Variants in AVEN observed in about 807,000 individuals in gnomAD.
AVEN encodes the protein cell death regulator Aven.
Under a neutral mutation model 38.1 loss-of-function variants are expected in AVEN, and 41 were observed. The observed-to-expected ratio is 1.08, with a 90% confidence interval of 0.84 to 1.40. The LOEUF (loss-of-function observed/expected upper bound fraction) is 1.40. Ranked by LOEUF, AVEN falls within the 40% of genes most tolerant of loss-of-function variation. The pLI is 0.00. For missense variants in AVEN, 605 were observed against 438.8 expected, an observed-to-expected ratio of 1.38 and a Z score of -3.38; for synonymous variants, 206 against 171.8, an observed-to-expected ratio of 1.20 and a Z score of -1.56.
At position 34,069,554 on chromosome 15, in the gene AVEN, C is replaced by T. The variant is rs550701010; in HGVS notation, n.784+1034G>A. 3.3e-5 allele frequency among the ~76,000 whole-genome samples: 5 copies of T among 152,248 alleles called. No individual in the cohort carries two copies. The East Asian group carries it at 5.8e-4, about 18-fold the overall frequency. The stretch of plus-strand genomic sequence containing the variant: ...TTGGGGGGCCAAGAATATCACAATG[C>T]GTTACTATGTTCTCAATGCATCACA... On this transcript the variant is annotated intron_variant and non_coding_transcript_variant, in intron 2 of 11. Transcript: ENST00000675287.
At chr15:34,010,822 G>A (rs1428666515) in intron 1 of AVEN, among the ~76,000 whole-genome samples, 1 of 152,090 alleles carries the variant, frequency 6.6e-6, no homozygotes, top group Non-Finnish European at 1.5e-5. Context: ...TAATGTTACT[G>A]AGCTTTAAAA....
At chr15:34,055,132 C>T (rs1042377188) in intron 5 of AVEN, among the ~76,000 whole-genome samples, 3 of 150,616 alleles carry the variant, frequency 2.0e-5, no homozygotes, top group African/African-American at 7.3e-5. Flanking sequence ...GCGGCGATTG[C>T]GGTGAGCCGA....
At chr15:33,911,402 T>C (rs1347689807) in intron 2 of AVEN, among the ~76,000 whole-genome samples, 1 of 152,172 alleles carries the variant, frequency 6.6e-6, no homozygotes, top group Non-Finnish European at 1.5e-5. Flanking sequence ...CCCCCCTCCT[T>C]TTTTGCTAAC....
At chr15:33,883,238 A>G (rs1597188734) in intron 2 of AVEN, among the ~76,000 whole-genome samples, 1 of 152,238 alleles carries the variant, frequency 6.6e-6, no homozygotes, top group East Asian at 1.9e-4. Flanking sequence ...GCAAATGTGT[A>G]GTGTAGTGTA....
At chr15:33,990,706 G>C (rs1430003900) in intron 2 of AVEN, 1 of 152,222 alleles carries the variant, frequency 6.6e-6, no homozygotes, top group Non-Finnish European at 1.5e-5. Flanking sequence ...TGGTGATAGT[G>C]AAAACAATGG....
chr15:33,898,941 G>C (rs1892361978), intron 2 of AVEN, among the ~76,000 whole-genome samples: 1 of 152,214 alleles, frequency 6.6e-6, no homozygotes, highest in South Asian at 2.1e-4. Context: ...TAAAGGAGAA[G>C]AGTAGGACAT....
At chr15:33,899,744 G>A (rs1892412301) in intron 2 of AVEN, among the ~76,000 whole-genome samples, 1 of 152,038 alleles carries the variant, frequency 6.6e-6, no homozygotes, top group East Asian at 1.9e-4. Flanking sequence ...GAGATGACAG[G>A]CATGAGCCAC....
chr15:34,017,484 G>GGTTT (rs536867064), intron 1 of AVEN, among the ~76,000 whole-genome samples: 3 of 107,344 alleles, frequency 2.8e-5, no homozygotes, highest in African/African-American at 6.3e-5. Context: ...TTTTTTTTTT[G>GGTTT]TTTTTTTTTT....
chr15:33,873,191 C>T (rs1029925195), intron 3 of AVEN, among the ~76,000 whole-genome samples: 1 of 138,022 alleles, frequency 7.2e-6, no homozygotes, highest in Admixed American at 8.0e-5. Context: ...CCTCCGCCTT[C>T]TTGGTTCAAG....
At chr15:33,862,226 G>C (rs1014403452), downstream of AVEN, among the ~76,000 whole-genome samples, 6 of 152,012 alleles carry the variant, frequency 3.9e-5, no homozygotes, top group Non-Finnish European at 8.8e-5. Context: ...CTCATCTTTC[G>C]AGATAGATAG....
At chr15:34,019,231 A>G (rs958977929) in intron 1 of AVEN, among the ~76,000 whole-genome samples, 14 of 152,240 alleles carry the variant, frequency 9.2e-5, no homozygotes, top group Non-Finnish European at 8.8e-5. Flanking sequence ...TAATGGATGT[A>G]ATTGTTTGTG....
At chr15:33,997,266 T>C (rs1045622390) in intron 2 of AVEN, among the ~76,000 whole-genome samples, 3 of 152,192 alleles carry the variant, frequency 2.0e-5, no homozygotes, top group African/African-American at 4.8e-5. Flanking sequence ...AGGAGATACC[T>C]GCAAACACAA....
chr15:33,949,982 A>C (rs949436161), intron 2 of AVEN, among the ~76,000 whole-genome samples: 3 of 152,222 alleles, frequency 2.0e-5, no homozygotes, highest in African/African-American at 7.2e-5. Flanking sequence ...CAAGGGATGA[A>C]TGGATAAAGA....
intron 2 of AVEN, among the ~76,000 whole-genome samples, chr15:33,900,410 C>T (rs1597210690): frequency 6.6e-6 from 1 of 151,746 alleles, no homozygotes; most frequent in African/African-American, 2.4e-5. Context: ...CAGGCTCAAG[C>T]GGTCCTTCCA....
chr15:33,860,861 G>C (rs950818921), intron 11 of AVEN, among the ~76,000 whole-genome samples: 1 of 151,510 alleles, frequency 6.6e-6, no homozygotes, highest in African/African-American at 2.4e-5. Flanking sequence ...CCCACAATAG[G>C]AGGGAGCAGT....
intron 1 of AVEN, among the ~76,000 whole-genome samples, chr15:34,015,414 G>A (rs1026023345): frequency 1.1e-4 from 16 of 151,810 alleles, no homozygotes; most frequent in African/African-American, 2.9e-4. Context: ...CCCGGGAGGC[G>A]GAGCTTGCAG....
intron 2 of AVEN, among the ~76,000 whole-genome samples, chr15:33,962,264 C>T (rs1430388866): frequency 1.3e-5 from 2 of 152,184 alleles, no homozygotes; most frequent in Admixed American, 6.5e-5. Flanking sequence ...TATTCCTTCA[C>T]ATGCCTCAAG....
At chr15:33,917,351 G>GTGTGTGT (rs1555506890) in intron 2 of AVEN, among the ~76,000 whole-genome samples, 1 of 140,340 alleles carries the variant, frequency 7.1e-6, no homozygotes, top group Non-Finnish European at 1.5e-5. Flanking sequence ...AAGAAAATGT[G>GTGTGTGT]GTGTGTGTGT....
chr15:33,853,694 T>G, the AVEN span: 1 of 1,609,862 alleles, frequency 6.2e-7, no homozygotes, highest in South Asian at 1.1e-5. Context: ...TACAAAAAGC[T>G]TAGGAGTTCA....
Sources: gnomAD v4.1 joint callset for allele counts (sites outside exome capture counted in the v4.1 genomes callset) on GRCh38, gnomAD v4.1.1 for gene constraint, MANE v1.5 for transcripts, NCBI Gene and HGNC (gene_info 2026-07-23, HGNC 2026-07-21) for gene names.